The following RBFOX3 variants were observed in gnomAD, a reference collection of about 807,000 sequenced individuals.
RBFOX3 encodes RNA binding fox-1 homolog 3.
RBFOX3 carries 17 observed loss-of-function variants against 48.7 expected under a neutral mutation model. The observed-to-expected ratio is 0.35, with a 90% CI of 0.24 to 0.52. The LOEUF is 0.52. Ranked by LOEUF, RBFOX3 falls within the 20% of genes least tolerant of loss-of-function variation. RBFOX3 has a pLI of 0.94. For missense variants in RBFOX3, 382 were observed against 497.5 expected (o/e 0.77, Z 2.21); for synonymous variants, 212 against 209.5 (o/e 1.01, Z -0.10).
chr17:79,435,489 C>T (rs1429748533), intron 2 of RBFOX3, among the ~76,000 whole-genome samples: 1 of 152,214 alleles, frequency 6.6e-6, no homozygotes, highest in African/African-American at 2.4e-5. Flanking sequence ...GCCTACGCTC[C>T]AAACCCATCT....
At chr17:79,407,128 C>T (rs1418494171) in intron 2 of RBFOX3, among the ~76,000 whole-genome samples, 3 of 152,244 alleles carry the variant, frequency 2.0e-5, no homozygotes, top group African/African-American at 4.8e-5. Context: ...CTACCTCAGC[C>T]TCCCAAGTAG....
chr17:79,315,858 G>A (rs1044943572), intron 2 of RBFOX3, among the ~76,000 whole-genome samples: 7 of 152,190 alleles, frequency 4.6e-5, no homozygotes, highest in South Asian at 2.1e-4. Flanking sequence ...AAGGCCACGC[G>A]GAAGGGGCTG....
chr17:79,216,042 C>A (rs962160737), intron 4 of RBFOX3, among the ~76,000 whole-genome samples: 1 of 152,248 alleles, frequency 6.6e-6, no homozygotes, highest in Non-Finnish European at 1.5e-5. Context: ...CAGCACTTGT[C>A]CCCTGCCCCC....
intron 3 of RBFOX3, among the ~76,000 whole-genome samples, chr17:79,305,967 ACT>A (rs2076035403): frequency 6.6e-6 from 1 of 152,086 alleles, no homozygotes; most frequent in Non-Finnish European, 1.5e-5. Context: ...GGCTGCCCAG[ACT>A]CTGCCGTCAC....
intron 4 of RBFOX3, among the ~76,000 whole-genome samples, chr17:79,224,885 C>A (rs971274731): frequency 1.3e-5 from 2 of 152,208 alleles, no homozygotes; most frequent in East Asian, 3.8e-4. Context: ...GTGAATTTCA[C>A]CCCTGGTGCT....
chr17:79,576,980 G>A (rs1246182944), intron 1 of RBFOX3, among the ~76,000 whole-genome samples: 3 of 152,064 alleles, frequency 2.0e-5, no homozygotes, highest in African/African-American at 7.2e-5. Context: ...GGGTTCCCGA[G>A]AGCCCCAAAA....
chr17:79,413,538 C>G lies in RBFOX3; in HGVS notation c.-175+68916G>C, dbSNP rs79760936. On this transcript the variant is annotated intron_variant, in intron 2 of 14. Coordinates refer to ENST00000693108, the MANE Select transcript of RBFOX3 (RefSeq NM_001350451.2). The stretch of plus-strand genomic sequence containing the variant: ...CAGGAGGCTCAGGCCGTGAGCTCTT[C>G]TCTTCCCGTGGCCACACTTCATCAG... Among the ~76,000 whole-genome samples the G allele has an allele frequency of 2.5e-4, 38 of 152,380 alleles. No individual in the cohort carries two copies. The East Asian group carries it at 6.7e-3, about 27-fold the overall frequency.
intron 3 of RBFOX3, among the ~76,000 whole-genome samples, chr17:79,289,089 A>G (rs190023312): frequency 5.3e-5 from 8 of 152,282 alleles, no homozygotes; most frequent in Non-Finnish European, 1.0e-4. Flanking sequence ...CCTCACCAGA[A>G]CCTGTCATCT....
intron 1 of RBFOX3, among the ~76,000 whole-genome samples, chr17:79,595,458 C>G (rs1431678741): frequency 4.6e-5 from 7 of 152,264 alleles, no homozygotes; most frequent in Admixed American, 4.6e-4. Flanking sequence ...TTAAATCACA[C>G]TGACGGTTCT....
chr17:79,574,560 C>T (rs1436092789), intron 1 of RBFOX3, among the ~76,000 whole-genome samples: 1 of 152,202 alleles, frequency 6.6e-6, no homozygotes, highest in Non-Finnish European at 1.5e-5. Flanking sequence ...GAGGAACCCT[C>T]AGGTCCGGGA....
chr17:79,538,173 C>T (rs2150144423), intron 1 of RBFOX3, among the ~76,000 whole-genome samples: 1 of 152,342 alleles, frequency 6.6e-6, no homozygotes, highest in Admixed American at 6.5e-5. Flanking sequence ...AGAGGAGCTG[C>T]CCCTTCCCAG....
intron 1 of RBFOX3, among the ~76,000 whole-genome samples, chr17:79,586,567 G>A (rs994941872): frequency 5.9e-5 from 9 of 152,186 alleles, no homozygotes; most frequent in South Asian, 2.1e-4. Context: ...ACTTCATCCC[G>A]CTTCCCAGGA....
chr17:79,210,923 G>A (rs560615888), intron 4 of RBFOX3, among the ~76,000 whole-genome samples: 7 of 151,900 alleles, frequency 4.6e-5, no homozygotes, highest in South Asian at 2.1e-4. Context: ...GGGCCACCTC[G>A]GTATCCCCAG....
intron 2 of RBFOX3, among the ~76,000 whole-genome samples, chr17:79,367,219 T>C (rs1251465599): frequency 6.7e-6 from 1 of 148,186 alleles, no homozygotes; most frequent in Non-Finnish European, 1.5e-5. Flanking sequence ...GTCCTCCTCC[T>C]CTCCCTCCTC....
intron 4 of RBFOX3, among the ~76,000 whole-genome samples, chr17:79,166,500 G>C (rs2048042430): frequency 6.6e-6 from 1 of 152,176 alleles, no homozygotes. Context: ...CACCCACGGG[G>C]AGCTGAGATG....
In RBFOX3 at chr17:79,364,510, G is replaced by A. The variant is rs1241045300; in HGVS notation, c.-174-56686C>T. ...AGCACGTCTCCCAGGCATCTGATGG[G>A]TCAGTGCGCAGTTAATGAGTGTGTT... On this transcript the variant is annotated intron_variant, in intron 2 of 14. Coordinates refer to ENST00000693108, the MANE Select transcript of RBFOX3 (RefSeq NM_001350451.2). The surrounding 1 kb of genome is among the most constrained non-coding windows in gnomAD (Gnocchi z 5.1). 2.0e-5 allele frequency among the ~76,000 whole-genome samples: 3 copies of A among 152,232 alleles called. No homozygotes were observed. Among genetic ancestry groups the A allele is most frequent in the Admixed American group, 6.5e-5 (1 of 15,284 alleles).
chr17:79,562,037 G>A (rs1052951115), intron 1 of RBFOX3, among the ~76,000 whole-genome samples: 3 of 152,342 alleles, frequency 2.0e-5, no homozygotes, highest in African/African-American at 7.2e-5. Context: ...CAGCCACTCA[G>A]CAGCCACCAA....
rs2078653948 is a variant in RBFOX3 at position 79,480,711 on chromosome 17, G to A, written c.-175+1743C>T. Among the ~76,000 whole-genome samples the A allele has an allele frequency of 6.6e-6, 1 of 152,098 alleles. No individual in the cohort carries two copies. Among genetic ancestry groups the A allele is most frequent in the Middle Eastern group, 3.2e-3 (1 of 316 alleles). Reference sequence around the variant, plus strand: ...GAACACTCTCCCCTCAGACATCCTGGGGTCCTCCCTCCCTTCCTTCTGTCT... The same window carrying A: ...GAACACTCTCCCCTCAGACATCCTGAGGTCCTCCCTCCCTTCCTTCTGTCT... On this transcript the variant is annotated intron_variant, in intron 2 of 14. Coordinates refer to ENST00000693108, the MANE Select transcript of RBFOX3 (RefSeq NM_001350451.2). The surrounding 1 kb of genome is among the most constrained non-coding windows in gnomAD (Gnocchi z 4.8).
At chr17:79,227,799 G>C (rs1461681746) in intron 4 of RBFOX3, among the ~76,000 whole-genome samples, 1 of 152,222 alleles carries the variant, frequency 6.6e-6, no homozygotes, top group East Asian at 1.9e-4. Context: ...GGGCCTCTGT[G>C]TTGGTTTTTC....
Sources: gnomAD v4.1 joint callset for allele counts (sites outside exome capture counted in the v4.1 genomes callset) on GRCh38, gnomAD v4.1.1 for gene constraint, Gnocchi (gnomAD v3.1) non-coding constraint, MANE v1.5 for transcripts, NCBI Gene and HGNC (gene_info 2026-07-23, HGNC 2026-07-21) for gene names.